The following PCNX2 variants were observed in gnomAD, a reference collection of about 807,000 sequenced individuals.
The protein encoded by PCNX2 is pecanex-like protein 2.
PCNX2 carries 168 observed loss-of-function variants against 223.8 expected under a neutral mutation model. The ratio of observed to expected loss-of-function variants is 0.75; its 90% CI spans 0.66 to 0.85. PCNX2 has a LOEUF of 0.85. Among genes scored for constraint, PCNX2 ranks in the 40% least tolerant of loss-of-function variants. The pLI is 0.00. For missense variants in PCNX2, 2,507 were observed against 2,675.5 expected (o/e 0.94, Z 1.39); for synonymous variants, 1,006 against 1,052.6 (o/e 0.96, Z 0.86).
At chr1:233,114,408 G>A (rs934759176) in intron 21 of PCNX2, among the ~76,000 whole-genome samples, 3 of 152,200 alleles carry the variant, frequency 2.0e-5, no homozygotes, top group Non-Finnish European at 2.9e-5. Context: ...CAGAAGAGGA[G>A]GTCAGAGCAA....
At chr1:233,121,900 A>T (rs1037800151) in intron 21 of PCNX2, among the ~76,000 whole-genome samples, 1 of 152,236 alleles carries the variant, frequency 6.6e-6, no homozygotes, top group African/African-American at 2.4e-5. Context: ...TCAGCTGAGA[A>T]TGCCTAGATG....
At chr1:233,264,332 C>A (rs1660218487) in intron 1 of PCNX2, among the ~76,000 whole-genome samples, 1 of 152,130 alleles carries the variant, frequency 6.6e-6, no homozygotes, top group African/African-American at 2.4e-5. Flanking sequence ...AATGGACTTC[C>A]CTAAAGAATA....
chr1:233,010,230 A>G (rs1670419576), intron 28 of PCNX2, among the ~76,000 whole-genome samples: 1 of 152,222 alleles, frequency 6.6e-6, no homozygotes, highest in Non-Finnish European at 1.5e-5. Context: ...TCTGAAGAGA[A>G]TATTTCCTCA....
intron 8 of PCNX2, among the ~76,000 whole-genome samples, chr1:233,239,226 TAGA>T (rs1168684152): frequency 6.6e-6 from 1 of 152,154 alleles, no homozygotes; most frequent in Non-Finnish European, 1.5e-5. Flanking sequence ...TGCAAAAAAG[TAGA>T]AGGTGTACAG....
At chr1:233,103,121 TATA>T (rs150976078) in intron 21 of PCNX2, among the ~76,000 whole-genome samples, 2,547 of 152,224 alleles carry the variant, frequency 0.017, 31 homozygotes, top group East Asian at 0.043. Context: ...CAGCATCATT[TATA>T]ATGTTTTTAA....
intron 21 of PCNX2, among the ~76,000 whole-genome samples, chr1:233,128,603 G>A (rs919902455): frequency 5.9e-5 from 9 of 152,284 alleles, no homozygotes; most frequent in African/African-American, 2.2e-4. Context: ...CCGAAGTGCT[G>A]GGATTACAGG....
intron 17 of PCNX2, among the ~76,000 whole-genome samples, chr1:233,171,508 C>T (rs1679150002): frequency 6.6e-6 from 1 of 152,122 alleles, no homozygotes; most frequent in Non-Finnish European, 1.5e-5. Flanking sequence ...GTATATCCAA[C>T]AACTGTCTTC....
intron 12 of PCNX2, among the ~76,000 whole-genome samples, chr1:233,209,045 C>T (rs1487125270): frequency 6.6e-6 from 1 of 152,106 alleles, no homozygotes; most frequent in East Asian, 1.9e-4. Flanking sequence ...CTTGTTCATT[C>T]CAAGTGCAAA....
chr1:233,299,510 T>C (rs1662224871), upstream of PCNX2, among the ~76,000 whole-genome samples: 1 of 152,192 alleles, frequency 6.6e-6, no homozygotes, highest in African/African-American at 2.4e-5. Flanking sequence ...AAGCAGAATA[T>C]GCACCTACCA....
intron 23 of PCNX2, among the ~76,000 whole-genome samples, chr1:233,064,095 G>C (rs1240690194): frequency 6.6e-6 from 1 of 151,454 alleles, no homozygotes. Context: ...GTCGAAATCT[G>C]CTATTTATTT....
At chr1:233,178,850 A>T (rs752892568) in intron 16 of PCNX2, among the ~76,000 whole-genome samples, 1 of 152,178 alleles carries the variant, frequency 6.6e-6, no homozygotes, top group Non-Finnish European at 1.5e-5. Context: ...AGCAAAACTA[A>T]AATGTTTGCT....
chr1:233,150,527 A>AGT (rs1677734714), intron 19 of PCNX2, among the ~76,000 whole-genome samples: 1 of 152,216 alleles, frequency 6.6e-6, no homozygotes, highest in Non-Finnish European at 1.5e-5. Flanking sequence ...TTGTTTAATT[A>AGT]GTGGGTTTTT....
rs373327378 is a variant in PCNX2, at chr1:233,236,972, T to A, written c.2231A>T (p.Gln744Leu). 6.2e-7 allele frequency: 1 copy of A among 1,613,926 alleles called. No homozygotes were observed. Residue 744 changes from glutamine (Q) to leucine (L), a missense_variant, in exon 9 of 34, where the codon CAG (glutamine) becomes CTG (leucine). By Grantham distance (113) the Gln-to-Leu change is moderately radical (BLOSUM62 -2). Coordinates refer to ENST00000258229, the MANE Select transcript of PCNX2 (RefSeq NM_014801.4). ...AGTTGTGGTACTGGAGGAGCTGACC[T>A]GCATCTCTCTGAGGATGGGCAAAAC... ...NDCLSQAREM[Q>L]VSSSSTTTSE...
At chr1:233,251,150 A>G (rs1308609313) in intron 7 of PCNX2, among the ~76,000 whole-genome samples, 8 of 152,190 alleles carry the variant, frequency 5.3e-5, no homozygotes, top group African/African-American at 1.7e-4. Flanking sequence ...TTCACTTTAC[A>G]TACGTTCTCT....
chr1:233,208,720 C>T, intron 12 of PCNX2, 31 bp from the exon 13 acceptor site: 6 of 1,568,646 alleles, frequency 3.8e-6, no homozygotes, highest in Non-Finnish European at 5.2e-6. Context: ...CTGAATGGTA[C>T]CTCTTATTTT....
chr1:233,223,308 G>A (rs1376661814), intron 10 of PCNX2, among the ~76,000 whole-genome samples: 1 of 152,142 alleles, frequency 6.6e-6, no homozygotes, highest in Non-Finnish European at 1.5e-5. Context: ...TTTTGAGGTT[G>A]GGGGAGCCTG....
intron 8 of PCNX2, among the ~76,000 whole-genome samples, chr1:233,243,988 T>C (rs991853600): frequency 1.3e-5 from 2 of 152,064 alleles, no homozygotes; most frequent in Non-Finnish European, 2.9e-5. Flanking sequence ...TGTGCCACCA[T>C]GCCCAGCTAA....
chr1:232,986,330 ACGGG>A lies in PCNX2; in HGVS notation c.5998_6001del (p.Pro2000SerfsTer7). The A allele has an allele frequency of 6.3e-7, 1 of 1,592,250 alleles. No homozygotes were observed. The highest frequency in any genetic ancestry group is 8.5e-7 in the Non-Finnish European group (1 of 1,170,118). On this transcript the variant is annotated frameshift_variant, in exon 33 of 34. Coordinates refer to ENST00000258229, the MANE Select transcript of PCNX2 (RefSeq NM_014801.4). LOFTEE classifies it high-confidence loss of function. ...GACACTCAGGTGGCCGGTGGTGGTG[ACGGG>A]CGGGGGCTGAGAGTGCAGGGACGTG...
At chr1:233,254,430 T>C (rs1326367137) in intron 5 of PCNX2, among the ~76,000 whole-genome samples, 1 of 152,250 alleles carries the variant, frequency 6.6e-6, no homozygotes. Context: ...TGAATTCATT[T>C]GTTCACATCT....
Sources: allele counts gnomAD v4.1 joint callset (sites outside exome capture counted in the v4.1 genomes callset), GRCh38; gene constraint gnomAD v4.1.1; transcripts MANE v1.5; gene names NCBI Gene and HGNC (gene_info 2026-07-23, HGNC 2026-07-21).